The following ANKRD28 variants were observed in gnomAD, a reference collection of about 807,000 sequenced individuals.
The protein encoded by ANKRD28 is serine/threonine-protein phosphatase 6 regulatory ankyrin repeat subunit A.
Under a neutral mutation model 126.5 loss-of-function variants are expected in ANKRD28, and 44 were observed. That is an observed-to-expected ratio of 0.35 (90% CI 0.27 to 0.45). The LOEUF (loss-of-function observed/expected upper bound fraction) is 0.45. ANKRD28 is among the 20% of genes least tolerant of loss of function. The pLI is 1.00. For missense variants in ANKRD28, 1,110 were observed against 1,316.6 expected, an observed-to-expected ratio of 0.84 and a Z score of 2.43; for synonymous variants, 442 against 468.5, an observed-to-expected ratio of 0.94 and a Z score of 0.73.
At chr3:15,699,575 G>A (rs1268612653) in intron 14 of ANKRD28, among the ~76,000 whole-genome samples, 1 of 152,124 alleles carries the variant, frequency 6.6e-6, no homozygotes, top group Non-Finnish European at 1.5e-5. Flanking sequence ...GTGGGCAAAG[G>A]ATATGAACAG....
intron 2 of ANKRD28, among the ~76,000 whole-genome samples, chr3:15,767,633 G>A (rs1346759465): frequency 1.4e-5 from 2 of 143,052 alleles, no homozygotes; most frequent in Non-Finnish European, 3.1e-5. Context: ...AGGCTGAGGT[G>A]GCGGGTGGAT....
intron 3 of ANKRD28, among the ~76,000 whole-genome samples, chr3:15,764,349 T>C (rs2058637356): frequency 1.3e-5 from 2 of 152,222 alleles, no homozygotes; most frequent in Non-Finnish European, 2.9e-5. Flanking sequence ...CAAATGCTTA[T>C]TTCACAGCTG....
intron 4 of ANKRD28, among the ~76,000 whole-genome samples, chr3:15,749,905 G>A (rs1366080111): frequency 6.6e-6 from 1 of 152,182 alleles, no homozygotes; most frequent in Non-Finnish European, 1.5e-5. Flanking sequence ...AGGTAGCAGG[G>A]GAGTGAAGCG....
intron 4 of ANKRD28, chr3:15,738,585 C>A (rs1230469710): frequency 2.6e-5 from 4 of 152,296 alleles, no homozygotes; most frequent in African/African-American, 9.7e-5. Flanking sequence ...CGCTTGAGCC[C>A]AGGAGTTCTG....
At chr3:15,758,407 G>C (rs1159638298) in intron 3 of ANKRD28, among the ~76,000 whole-genome samples, 1 of 152,180 alleles carries the variant, frequency 6.6e-6, no homozygotes, top group African/African-American at 2.4e-5. Context: ...TATCTTTTAA[G>C]AGTGTTGTGG....
chr3:15,854,724 T>A lies in ANKRD28; in HGVS notation c.27+4653A>T, dbSNP rs1378926761. Among the ~76,000 whole-genome samples the A allele has an allele frequency of 6.6e-6, 1 of 152,092 alleles. No individual in the cohort carries two copies. The highest frequency in any genetic ancestry group is 1.5e-5 in the Non-Finnish European group (1 of 67,982). On this transcript the variant is annotated intron_variant, in intron 1 of 27. Transcript: ENST00000399451. The surrounding 1 kb of genome is among the most constrained non-coding windows in gnomAD (Gnocchi z 4.1). The stretch of plus-strand genomic sequence containing the variant: ...TGTAAGGGTAGAGATGGTAGCTACT[T>A]CACCCTTGTGTCCCCTGTCATCTCC...
chr3:15,846,537 A>G lies in ANKRD28; in HGVS notation c.27+12840T>C, dbSNP rs548489159. 5.2e-4 allele frequency among the ~76,000 whole-genome samples: 79 copies of G among 152,262 alleles called. No homozygotes were observed. Among genetic ancestry groups the G allele is most frequent in the Non-Finnish European group, 1.0e-3 (69 of 68,046 alleles). On this transcript the variant is annotated intron_variant, in intron 1 of 27. Coordinates refer to the ANKRD28 transcript ENST00000399451. The surrounding 1 kb of genome is among the most constrained non-coding windows in gnomAD (Gnocchi z 5.4). Reference sequence around the variant, plus strand: ...AGCTTACCTACCATATAAACGAGTTAAAAAATACAAACAGTATAAACCAAG... The same window carrying G: ...AGCTTACCTACCATATAAACGAGTTGAAAAATACAAACAGTATAAACCAAG...
chr3:15,752,037 A>G (rs2057891746), intron 3 of ANKRD28, among the ~76,000 whole-genome samples: 1 of 152,078 alleles, frequency 6.6e-6, no homozygotes, highest in African/African-American at 2.4e-5. Flanking sequence ...TAGTTTTTTA[A>G]TTTAAAACAA....
chr3:15,821,891 C>G (rs1448497455), intron 1 of ANKRD28, among the ~76,000 whole-genome samples: 4 of 152,140 alleles, frequency 2.6e-5, no homozygotes, highest in African/African-American at 9.7e-5. Flanking sequence ...TTTGTTCCAC[C>G]ATGCTTGGAG....
chr3:15,713,425 G>T, intron 10 of ANKRD28, 102 bp downstream of exon 10: 1 of 842,536 alleles, frequency 1.2e-6, no homozygotes, highest in Non-Finnish European at 1.9e-6. Context: ...ATACAACATT[G>T]AGGATAAAAT....
At chr3:15,715,716 CAA>C (rs1181711060) in intron 8 of ANKRD28, among the ~76,000 whole-genome samples, 1 of 152,164 alleles carries the variant, frequency 6.6e-6, no homozygotes, top group Non-Finnish European at 1.5e-5. Context: ...TTCAGTTCCT[CAA>C]CTGAAAATGA....
rs536346477 is a variant in ANKRD28 at position 15,858,226 on chromosome 3, A to G, written c.27+1151T>C. ...GTGGCTAGTGGCTCTCTTATAGGACAGAACAGTTGTATAATTTGAAATACA... is the reference window on the plus strand; with the variant it reads ...GTGGCTAGTGGCTCTCTTATAGGACGGAACAGTTGTATAATTTGAAATACA... On this transcript the variant is annotated intron_variant, in intron 1 of 27. Transcript: ENST00000399451. Among the ~76,000 whole-genome samples the G allele has an allele frequency of 4.3e-4, 66 of 152,366 alleles. No individual in the cohort carries two copies. In the South Asian group the frequency reaches 0.014, roughly 32 times the overall value.
chr3:15,741,697 C>CT (rs58655271), intron 4 of ANKRD28, among the ~76,000 whole-genome samples: 2 of 33,662 alleles, frequency 5.9e-5, no homozygotes, highest in East Asian at 7.0e-4. Context: ...TGGTTCTATC[C>CT]TTTTTTTTTT....
intron 5 of ANKRD28, among the ~76,000 whole-genome samples, chr3:15,736,822 T>C (rs2125132713): frequency 6.6e-6 from 1 of 152,360 alleles, no homozygotes; most frequent in East Asian, 1.9e-4. Context: ...TGGTATTGTT[T>C]TCCTTGGTCA....
Position 15,839,836 on chromosome 3 carries a change from T to C in ANKRD28, c.27+19541A>G, listed in dbSNP as rs1438816217. 6.6e-6 allele frequency among the ~76,000 whole-genome samples: 1 copy of C among 152,190 alleles called. No homozygotes were observed. Among genetic ancestry groups the C allele is most frequent in the Non-Finnish European group, 1.5e-5 (1 of 68,032 alleles). ...TGTCAACTGATGCTGAAAAAGCATT[T>C]GATAAAATTCAACATCCCTTCATAA... is the stretch of plus-strand genomic sequence containing the variant. On this transcript the variant is annotated intron_variant, in intron 1 of 27. Coordinates refer to the ANKRD28 transcript ENST00000399451. The surrounding 1 kb of genome is among the most constrained non-coding windows in gnomAD (Gnocchi z 4.3).
At chr3:15,758,468 T>G (rs34705070) in intron 3 of ANKRD28, among the ~76,000 whole-genome samples, 14,162 of 152,216 alleles carry the variant, frequency 0.093, 894 homozygotes, top group East Asian at 0.35. Flanking sequence ...CAACTCAGAA[T>G]ATGACTTTAA....
At chr3:15,779,287 G>A (rs529145648) in intron 2 of ANKRD28, among the ~76,000 whole-genome samples, 3 of 152,286 alleles carry the variant, frequency 2.0e-5, no homozygotes, top group South Asian at 4.1e-4. Context: ...AAAGCAGGGA[G>A]AAGAAATTAT....
intron 14 of ANKRD28, among the ~76,000 whole-genome samples, chr3:15,703,677 C>T (rs1362069906): frequency 1.3e-5 from 2 of 152,144 alleles, no homozygotes; most frequent in East Asian, 3.8e-4. Context: ...TTTGTTATAC[C>T]AGTCCAAACA....
At chr3:15,696,277 C>A (rs2069536615) in intron 14 of ANKRD28, 32 bp from the exon 15 acceptor site, 1 of 1,381,716 alleles carries the variant, frequency 7.2e-7, no homozygotes, top group Non-Finnish European at 1.0e-6. Context: ...TACTGAAAAT[C>A]CTAAATCCTG....
Sources: gnomAD v4.1 joint callset for allele counts (sites outside exome capture counted in the v4.1 genomes callset) on GRCh38, gnomAD v4.1.1 for gene constraint, Gnocchi (gnomAD v3.1) non-coding constraint, MANE v1.5 for transcripts, NCBI Gene and HGNC (gene_info 2026-07-23, HGNC 2026-07-21) for gene names.